Variants in INSL6 observed in about 807,000 individuals in gnomAD.
The protein encoded by INSL6 is insulin like 6, also known as insulin-like peptide INSL6.
Under a neutral mutation model 9.4 loss-of-function variants are expected in INSL6, and 16 were observed. That is an observed-to-expected ratio of 1.70 (90% CI 1.15 to 2.59). The LOEUF (loss-of-function observed/expected upper bound fraction) is 2.59, where lower values mean the gene tolerates loss of function less well. INSL6 is among the 30% of genes most tolerant of loss of function. The pLI is 0.00. For missense variants in INSL6, 391 were observed against 257.3 expected, an observed-to-expected ratio of 1.52 and a Z score of -3.56; for synonymous variants, 154 against 96.9, an observed-to-expected ratio of 1.59 and a Z score of -3.46.
the INSL6 span, chr9:5,091,675 G>A: frequency 0.27 from 40,401 of 151,942 alleles, 5,734 homozygotes; most frequent in African/African-American, 0.37. Flanking sequence ...GTTTGGGTTC[G>A]TGAAATGGTT....
At chr9:4,996,526 T>G in the INSL6 span, among the ~76,000 whole-genome samples, 2 of 152,248 alleles carry the variant, frequency 1.3e-5, no homozygotes, top group East Asian at 3.9e-4. Context: ...TTTATATGTA[T>G]AATTTATTTT....
At chr9:5,002,472 A>G in the INSL6 span, among the ~76,000 whole-genome samples, 1 of 151,940 alleles carries the variant, frequency 6.6e-6, no homozygotes, top group Non-Finnish European at 1.5e-5. Flanking sequence ...TTCTAATTCA[A>G]TTTTGCTATG....
At chr9:5,013,046 T>G in the INSL6 span, among the ~76,000 whole-genome samples, 19 of 152,358 alleles carry the variant, frequency 1.2e-4, no homozygotes, top group Admixed American at 1.2e-3. Flanking sequence ...TACATATTGA[T>G]GGACTGGATA....
the INSL6 span, among the ~76,000 whole-genome samples, chr9:5,073,528 G>A: frequency 5.0e-4 from 76 of 152,248 alleles, no homozygotes; most frequent in Admixed American, 3.3e-4. Context: ...TCCTCAGAAC[G>A]TTGATGGCAG....
At chr9:5,081,977 G>A in the INSL6 span, 2 of 852,156 alleles carry the variant, frequency 2.3e-6, no homozygotes, top group Non-Finnish European at 3.7e-6. Context: ...AGAAAAAAAA[G>A]GTTTGGTTGT....
chr9:5,069,083 A>G, the INSL6 span: 2 of 1,611,296 alleles, frequency 1.2e-6, no homozygotes, highest in East Asian at 2.2e-5. Flanking sequence ...GAAGAGTACA[A>G]CCTCAGTGGG....
chr9:5,106,720 T>G, the INSL6 span, among the ~76,000 whole-genome samples: 39 of 152,216 alleles, frequency 2.6e-4, no homozygotes, highest in Non-Finnish European at 5.0e-4. Context: ...TATGCAGCCA[T>G]AAACAAGGGT....
the INSL6 span, among the ~76,000 whole-genome samples, chr9:5,034,200 A>G: frequency 6.6e-6 from 1 of 152,220 alleles, no homozygotes; most frequent in East Asian, 1.9e-4. Flanking sequence ...ACTGTCCTAA[A>G]TATATATGCA....
the INSL6 span, chr9:5,073,658 C>T: frequency 7.0e-7 from 1 of 1,431,094 alleles, no homozygotes; most frequent in African/African-American, 1.4e-5. Context: ...TTATGGACAA[C>T]AGTCAAACAA....
At chr9:5,086,730 T>A in the INSL6 span, among the ~76,000 whole-genome samples, 1 of 152,260 alleles carries the variant, frequency 6.6e-6, no homozygotes, top group Non-Finnish European at 1.5e-5. Context: ...ACTATAACTT[T>A]ATAGCCTTTG....
At chr9:5,149,111 G>C (rs76540801) in intron 2 of INSL6, among the ~76,000 whole-genome samples, 1,542 of 152,316 alleles carry the variant, frequency 0.01, 18 homozygotes, top group African/African-American at 0.036. Context: ...CATCTCTGTC[G>C]AATCTCTGGG....
At chr9:5,143,321 C>T (rs1564038963) in intron 2 of INSL6, among the ~76,000 whole-genome samples, 1 of 151,718 alleles carries the variant, frequency 6.6e-6, no homozygotes, top group Non-Finnish European at 1.5e-5. Context: ...CCGTCTGGTC[C>T]TGGGCCTTTT....
the INSL6 span, among the ~76,000 whole-genome samples, chr9:5,008,302 CAT>C: frequency 2.0e-5 from 3 of 152,238 alleles, no homozygotes; most frequent in East Asian, 3.9e-4. Flanking sequence ...TATGGCCTAA[CAT>C]GTGGTCTACT....
chr9:5,063,338 T>G, the INSL6 span, among the ~76,000 whole-genome samples: 3 of 152,236 alleles, frequency 2.0e-5, no homozygotes. Context: ...AAACCTGTCA[T>G]ATATGATAGC....
At chr9:5,061,857 A>G in the INSL6 span, among the ~76,000 whole-genome samples, 2 of 152,186 alleles carry the variant, frequency 1.3e-5, no homozygotes, top group Admixed American at 1.3e-4. Flanking sequence ...TTAAAGTGAG[A>G]GATGGGTGAA....
At chr9:5,126,786 G>A in intron 3 of INSL6, 1 of 1,595,270 alleles carries the variant, frequency 6.3e-7, no homozygotes, top group African/African-American at 1.3e-5. Context: ...TAACATGGCT[G>A]GATGAAAGAA....
the INSL6 span, among the ~76,000 whole-genome samples, chr9:5,001,656 C>T: frequency 6.7e-6 from 1 of 149,520 alleles, no homozygotes; most frequent in Non-Finnish European, 1.5e-5. Flanking sequence ...GTGTTTTTGC[C>T]AGGTTTTGGT....
At chr9:5,041,057 G>A in the INSL6 span, 2 of 688,838 alleles carry the variant, frequency 2.9e-6, no homozygotes, top group Non-Finnish European at 5.3e-6. Flanking sequence ...GCGCCATAGA[G>A]GGCGTCCCTC....
the INSL6 span, among the ~76,000 whole-genome samples, chr9:5,115,722 T>C: frequency 6.6e-6 from 1 of 152,226 alleles, no homozygotes. Context: ...CATGGAATAC[T>C]ATGCAGCCAT....
Sources: allele counts gnomAD v4.1 joint callset (sites outside exome capture counted in the v4.1 genomes callset), GRCh38; gene constraint gnomAD v4.1.1; transcripts MANE v1.5; gene names NCBI Gene and HGNC (gene_info 2026-07-23, HGNC 2026-07-21).